The following DPYD variants were observed in gnomAD, a reference collection of about 807,000 sequenced individuals.
DPYD encodes the protein dihydropyrimidine dehydrogenase [NADP(+)].
In DPYD, 109 loss-of-function variants were observed where a neutral mutation model predicts 116.2. The ratio of observed to expected loss-of-function variants is 0.94; its 90% CI spans 0.80 to 1.10. The LOEUF (loss-of-function observed/expected upper bound fraction) is 1.10, where lower values mean the gene tolerates loss of function less well. Among genes scored for constraint, DPYD ranks in the 50% least tolerant of loss-of-function variants. The pLI is 0.00. For missense variants in DPYD, 1,302 were observed against 1,254.5 expected (o/e 1.04, Z -0.57); for synonymous variants, 440 against 432.0 (o/e 1.02, Z -0.23).
At chr1:97,477,829 C>T (rs1678070373) in intron 13 of DPYD, among the ~76,000 whole-genome samples, 1 of 151,844 alleles carries the variant, frequency 6.6e-6, no homozygotes. Flanking sequence ...ACCTTGTTAG[C>T]CAGGATGGTC....
At chr1:97,623,801 C>T (rs1656767875) in intron 8 of DPYD, among the ~76,000 whole-genome samples, 1 of 151,816 alleles carries the variant, frequency 6.6e-6, no homozygotes, top group Admixed American at 6.6e-5. Context: ...ACCAAGGGAA[C>T]AGAGTAGAGC....
At chr1:97,459,053 A>C (rs1676865530) in intron 13 of DPYD, among the ~76,000 whole-genome samples, 2 of 152,154 alleles carry the variant, frequency 1.3e-5, no homozygotes, top group South Asian at 4.1e-4. Context: ...TATCAGATGT[A>C]AAATATAAAA....
chr1:97,114,228 A>G (rs1007939184), intron 20 of DPYD, among the ~76,000 whole-genome samples: 9 of 152,092 alleles, frequency 5.9e-5, no homozygotes, highest in Admixed American at 1.3e-4. Flanking sequence ...TATGTTCTTG[A>G]GTCGGGTTAA....
intron 1 of DPYD, among the ~76,000 whole-genome samples, chr1:97,915,997 A>T (rs1041716337): frequency 9.9e-5 from 15 of 152,170 alleles, no homozygotes; most frequent in Non-Finnish European, 2.9e-5. Context: ...GTGATCAGAC[A>T]TCTTTATTTT....
intron 3 of DPYD, among the ~76,000 whole-genome samples, chr1:97,750,152 C>A (rs929174784): frequency 1.3e-5 from 2 of 151,978 alleles, no homozygotes; most frequent in African/African-American, 4.8e-5. Context: ...AACCTCTCAG[C>A]AAACTTCAAA....
chr1:97,864,648 A>G (rs568768349), intron 2 of DPYD, among the ~76,000 whole-genome samples: 26 of 152,048 alleles, frequency 1.7e-4, no homozygotes, highest in African/African-American at 5.3e-4. Flanking sequence ...CTGAATAGTG[A>G]GGATGGCGAC....
At chr1:97,145,148 G>C (rs746115462) in intron 20 of DPYD, among the ~76,000 whole-genome samples, 2 of 152,080 alleles carry the variant, frequency 1.3e-5, no homozygotes, top group Admixed American at 1.3e-4. Context: ...CTCTATGTTC[G>C]GTTGTCATTA....
rs10677535 is a variant in DPYD at position 97,176,868 on chromosome 1, A to ATGTGTGTGTGTG, written c.2622+16189_2622+16200dup. Among the ~76,000 whole-genome samples, 479 of 146,674 alleles carry ATGTGTGTGTGTG rather than the reference A, an allele frequency of 3.3e-3. 5 individuals carry two copies. The highest frequency in any genetic ancestry group is 7.5e-3 in the South Asian group (33 of 4,406). ...ATACCAGTATTCAAGGGACAAAAAA[A>ATGTGTGTGTGTG]TGTGTGTGTGTGTGTGTGTGTGTGT... On this transcript the variant is annotated intron_variant, in intron 20 of 22. Transcript: ENST00000370192.
intron 14 of DPYD, among the ~76,000 whole-genome samples, chr1:97,387,196 T>G (rs549287863): frequency 6.6e-6 from 1 of 152,270 alleles, no homozygotes; most frequent in East Asian, 1.9e-4. Context: ...ATTTGAACTT[T>G]GTCTTCCCCC....
chr1:97,620,072 T>A (rs577162488), intron 8 of DPYD, among the ~76,000 whole-genome samples: 1 of 152,068 alleles, frequency 6.6e-6, no homozygotes, highest in Non-Finnish European at 1.5e-5. Flanking sequence ...TTGGAATTAT[T>A]AGCCTGGGTT....
intron 20 of DPYD, among the ~76,000 whole-genome samples, chr1:97,189,326 T>C (rs1658200828): frequency 6.6e-6 from 1 of 152,160 alleles, no homozygotes; most frequent in African/African-American, 2.4e-5. Flanking sequence ...GGAAGGCCAT[T>C]CCAGATGTCG....
chr1:97,623,924 T>TTCCA (rs1656775840), intron 8 of DPYD, among the ~76,000 whole-genome samples: 1 of 151,918 alleles, frequency 6.6e-6, no homozygotes, highest in Non-Finnish European at 1.5e-5. Context: ...AAAACTGGAT[T>TTCCA]TCCACATGTA....
chr1:97,115,231 G>A (rs1472738134), intron 20 of DPYD, among the ~76,000 whole-genome samples: 1 of 152,198 alleles, frequency 6.6e-6, no homozygotes, highest in Non-Finnish European at 1.5e-5. Context: ...GGTGGGTGCT[G>A]AATTTGGGGT....
intron 20 of DPYD, among the ~76,000 whole-genome samples, chr1:97,103,586 T>A (rs1218584889): frequency 6.6e-6 from 1 of 152,144 alleles, no homozygotes. Context: ...TGATCAAATA[T>A]GTGATATCTA....
At position 97,829,512 on chromosome 1, in the gene DPYD, T is replaced by C. The variant is rs1398144656; in HGVS notation, c.151-1316A>G. Among the ~76,000 whole-genome samples, 4 of 152,284 alleles carry C rather than the reference T, an allele frequency of 2.6e-5. No individual in the cohort carries two copies. The East Asian group carries it at 7.7e-4, about 29-fold the overall frequency. ...CTTCTGTCTTATCTTCCCACATTTTTAGAAGTGTCTTTCAATAAAGAGAAC... is the reference window on the plus strand; with the variant it reads ...CTTCTGTCTTATCTTCCCACATTTTCAGAAGTGTCTTTCAATAAAGAGAAC... On this transcript the variant is annotated intron_variant, in intron 2 of 22. Transcript: ENST00000370192.
intron 16 of DPYD, among the ~76,000 whole-genome samples, chr1:97,342,745 C>T (rs1202157808): frequency 1.3e-5 from 2 of 152,078 alleles, no homozygotes; most frequent in South Asian, 4.1e-4. Flanking sequence ...GAGTTGAAGT[C>T]GTGGTAAGGG....
At position 97,291,240 on chromosome 1, in the gene DPYD, G is replaced by T. The variant is rs1415502242; in HGVS notation, c.2299+14019C>A. Among the ~76,000 whole-genome samples the T allele has an allele frequency of 2.0e-5, 3 of 152,084 alleles. No individual in the cohort carries two copies. In the East Asian group the frequency reaches 5.8e-4, roughly 29 times the overall value. On this transcript the variant is annotated intron_variant, in intron 18 of 22. Transcript: ENST00000370192. Reference sequence around the variant, plus strand: ...AAGAACACTTTTACACTGTTGGTGGGACTGTAAACTAGTTCAACCATTATG... The same window carrying T: ...AAGAACACTTTTACACTGTTGGTGGTACTGTAAACTAGTTCAACCATTATG...
intron 20 of DPYD, among the ~76,000 whole-genome samples, chr1:97,158,271 G>C (rs1252123844): frequency 2.0e-5 from 3 of 151,826 alleles, no homozygotes; most frequent in Non-Finnish European, 4.4e-5. Context: ...TACACAGGAT[G>C]GGAATTTAAA....
intron 20 of DPYD, among the ~76,000 whole-genome samples, chr1:97,116,130 C>T (rs912696633): frequency 5.3e-5 from 8 of 152,090 alleles, no homozygotes; most frequent in Non-Finnish European, 1.0e-4. Context: ...GGAGGATATA[C>T]ATATGAGAAT....
Sources: gnomAD v4.1 joint callset for allele counts (sites outside exome capture counted in the v4.1 genomes callset) on GRCh38, gnomAD v4.1.1 for gene constraint, MANE v1.5 for transcripts, NCBI Gene and HGNC (gene_info 2026-07-23, HGNC 2026-07-21) for gene names.